ITGB4: variants seen among roughly 807,000 people sequenced by gnomAD.
The protein encoded by ITGB4 is integrin subunit beta 4, also known as integrin beta-4.
Under a neutral mutation model 207.6 loss-of-function variants are expected in ITGB4, and 159 were observed. The observed-to-expected ratio is 0.77, with a 90% CI of 0.67 to 0.87. The LOEUF is 0.87. Among genes scored for constraint, ITGB4 ranks in the 40% least tolerant of loss-of-function variants. The probability of loss-of-function intolerance (pLI) is 0.00; values close to 1 mark genes in which losing one functional copy is unlikely to be tolerated. For missense variants in ITGB4, 2,278 were observed against 2,546.8 expected, an observed-to-expected ratio of 0.89 and a Z score of 2.27; for synonymous variants, 1,020 against 1,062.7, an observed-to-expected ratio of 0.96 and a Z score of 0.78.
chr17:75,757,103 T>C lies in ITGB4; in HGVS notation c.5214T>C (p.Asp1738=), dbSNP rs2061530463. The C allele has an allele frequency of 6.2e-7, 1 of 1,612,720 alleles. No homozygotes were observed. Among genetic ancestry groups the C allele is most frequent in the Non-Finnish European group, 8.5e-7 (1 of 1,179,914 alleles). The change falls in exon 38 of 40, where the codon GAT becomes GAC. Residue 1738 remains aspartate, a synonymous_variant. Coordinates refer to ENST00000200181, the MANE Select transcript of ITGB4 (RefSeq NM_000213.5). ...REGIITIESQ[D]GGPFPQLGSR... is the part of the protein sequence containing the mutation. ...GCATCATCACCATAGAGTCCCAGGA[T>C]GGAGGTAGGCACCTGTCCTTTCCTT...
At chr17:75,730,001 G>A (rs375202931) in intron 7 of ITGB4, among the ~76,000 whole-genome samples, 64 of 152,338 alleles carry the variant, frequency 4.2e-4, no homozygotes, top group African/African-American at 1.5e-3. Context: ...AAATTAGCTG[G>A]GTGTGATGCA....
intron 34 of ITGB4, chr17:75,755,276 A>G (rs2061470267): frequency 6.5e-7 from 1 of 1,538,490 alleles, no homozygotes; most frequent in Non-Finnish European, 8.8e-7. Flanking sequence ...TCCAGCCACC[A>G]TAGCAGCCGC....
chr17:75,752,072 G>A, intron 30 of ITGB4, 102 bp from the exon 31 acceptor site: 1 of 1,287,824 alleles, frequency 7.8e-7, no homozygotes, highest in African/African-American at 1.5e-5. Flanking sequence ...CCCAGCCCCT[G>A]GGTGCCATCC....
Position 75,753,934 on chromosome 17 carries a change from C to A in ITGB4, c.4278C>A (p.Gly1426=). Residue 1426 remains glycine, a synonymous_variant, in exon 33 of 40, where the codon GGC becomes GGA. Coordinates refer to ENST00000200181, the MANE Select transcript of ITGB4 (RefSeq NM_000213.5). ...ACGACGGCGGCGCGGGCGGGAAGGG[C>A]GGCAGCCTGCCCCGCAGTGCGACAC... ...PPDDGGAGGK[G]GSLPRSATPG... 7.8e-7 allele frequency: 1 copy of A among 1,282,056 alleles called. No individual in the cohort carries two copies. Among genetic ancestry groups the A allele is most frequent in the Non-Finnish European group, 9.8e-7 (1 of 1,020,702 alleles). 79.4% of individuals were successfully genotyped at this position (1,282,056 alleles called of 1,614,324 possible). A position where few individuals can be genotyped will look rare whatever the true frequency, so the allele number is the denominator to read the frequency against.
chr17:75,736,504 C>A (rs545834373), intron 15 of ITGB4, 61 bp from the exon 16 acceptor site: 2 of 1,595,834 alleles, frequency 1.3e-6, no homozygotes, highest in Non-Finnish European at 1.7e-6. Flanking sequence ...GTTTGGGGAG[C>A]GGGGGTCTGG....
chr17:75,733,109 C>T (rs943740580), intron 12 of ITGB4, among the ~76,000 whole-genome samples: 1 of 147,648 alleles, frequency 6.8e-6, no homozygotes, highest in Non-Finnish European at 1.5e-5. Flanking sequence ...ATAAAATAGG[C>T]CAGGCGCGGT....
At chr17:75,749,181 C>T (rs2603495) in intron 27 of ITGB4, 136 bp downstream of exon 27, 2 of 753,874 alleles carry the variant, frequency 2.7e-6, no homozygotes, top group Non-Finnish European at 4.5e-6. Flanking sequence ...ACAACATACA[C>T]GTTGGTAGGA....
At chr17:75,749,689 T>G (rs116477775) in intron 27 of ITGB4, among the ~76,000 whole-genome samples, 3,208 of 152,290 alleles carry the variant, frequency 0.021, 102 homozygotes, top group African/African-American at 0.07. Context: ...CCAACTAACA[T>G]GCAGATGCTT....
At chr17:75,736,010 C>T in intron 13 of ITGB4, 41 bp from the exon 14 acceptor site, 1 of 1,586,764 alleles carries the variant, frequency 6.3e-7, no homozygotes, top group Middle Eastern at 1.7e-4. Flanking sequence ...ACTACAGGCA[C>T]AGATGTAGCT....
rs1396068957 is a variant in ITGB4, at chr17:75,756,456, A to G, written c.4736A>G (p.Asn1579Ser). 4 of 1,612,826 alleles carry G rather than the reference A, an allele frequency of 2.5e-6. No individual in the cohort carries two copies. The highest frequency in any genetic ancestry group is 1.1e-5 in the South Asian group (1 of 91,022). ...GGELHRLNIP[N>S]PAQTSVVVED... ...GAGCTGCATCGGCTCAACATCCCCA[A>G]CCCTGCCCAGACCTCGGTGGTGGTG... is the stretch of plus-strand genomic sequence containing the variant. Residue 1579 changes from asparagine (N) to serine (S), a missense_variant, in exon 36 of 40, where the codon AAC (asparagine) becomes AGC (serine). Asn to Ser is a conservative substitution (Grantham distance 46). Coordinates refer to ENST00000200181, the MANE Select transcript of ITGB4 (RefSeq NM_000213.5).
In ITGB4 at chr17:75,727,876, A is replaced by G. The variant is rs373728827; in HGVS notation, c.469+21A>G. 11 of 1,610,896 alleles carry G rather than the reference A, an allele frequency of 6.8e-6. No homozygotes were observed. The African/African-American group carries it at 1.2e-4, about 18-fold the overall frequency. On this transcript the variant is annotated intron_variant, in intron 5 of 39. Coordinates refer to ENST00000200181, the MANE Select transcript of ITGB4 (RefSeq NM_000213.5). The surrounding 1 kb of genome is among the most constrained non-coding windows in gnomAD (Gnocchi z 6.0). ...CCTGGGTACGGCAGGGCCAGAGTGG[A>G]GGACAGCAGGGCAGGAGGGGGACAG... is the stretch of plus-strand genomic sequence containing the variant.
chr17:75,730,794 C>T (rs2060839219), intron 8 of ITGB4, 81 bp from the exon 9 acceptor site: 1 of 1,328,066 alleles, frequency 7.5e-7, no homozygotes, highest in South Asian at 1.2e-5. Context: ...TCAGTTTCCC[C>T]ATCCTCAAAG....
At chr17:75,754,017 C>A (rs1303260034) in intron 33 of ITGB4, 43 bp downstream of exon 33, 2 of 926,272 alleles carry the variant, frequency 2.2e-6, no homozygotes, top group Non-Finnish European at 2.8e-6. Context: ...GCCCACCCAG[C>A]CTCACTCGCG....
In ITGB4 at chr17:75,736,340, A is replaced by G; in HGVS notation, c.1814A>G (p.Gln605Arg). 6.2e-7 allele frequency: 1 copy of G among 1,613,490 alleles called. No individual in the cohort carries two copies. Among genetic ancestry groups the G allele is most frequent in the Non-Finnish European group, 8.5e-7 (1 of 1,179,812 alleles). ...GAGTGTGGCCGCTGCCACTGCCACCAGCAGTCGCTCTACACGGACACCATC... is the reference window on the plus strand; with the variant it reads ...GAGTGTGGCCGCTGCCACTGCCACCGGCAGTCGCTCTACACGGACACCATC... ...HCECGRCHCH[Q>R]QSLYTDTICE... Residue 605 changes from glutamine (Q) to arginine (R), a missense_variant, in exon 15 of 40, where the codon CAG becomes CGG. Physicochemically the swap from Gln to Arg is conservative, Grantham distance 43. Coordinates refer to ENST00000200181, the MANE Select transcript of ITGB4 (RefSeq NM_000213.5).
rs571177970 is a variant in ITGB4 at position 75,732,535 on chromosome 17, T to C, written c.1454+296T>C. On this transcript the variant is annotated intron_variant, in intron 12 of 39. Transcript: ENST00000200181. The surrounding 1 kb of genome is among the most constrained non-coding windows in gnomAD (Gnocchi z 5.3). ...GGGACAGGCACACGAGGCTTCCTTT[T>C]TGCTCCATGCCTTTGGTATTCTGAG... 2.2e-4 allele frequency among the ~76,000 whole-genome samples: 34 copies of C among 152,306 alleles called. No individual in the cohort carries two copies. In the South Asian group the frequency reaches 5.6e-3, roughly 25 times the overall value.
Position 75,736,076 on chromosome 17 carries a change from G to A in ITGB4, c.1683G>A (p.Gln561=), listed in dbSNP as rs2060968198. 6.2e-7 allele frequency: 1 copy of A among 1,613,350 alleles called. No homozygotes were observed. Among genetic ancestry groups the A allele is most frequent in the South Asian group, 1.1e-5 (1 of 91,066 alleles). The part of the protein sequence containing the change: ...CNDRGRCSMG[Q]CVCEPGWTGP... Reference sequence around the variant, plus strand: ...ACCGAGGACGCTGCTCCATGGGCCAGTGTGTGTGTGAGCCTGGTTGGACAG... The same window carrying A: ...ACCGAGGACGCTGCTCCATGGGCCAATGTGTGTGTGAGCCTGGTTGGACAG... Residue 561 remains glutamine (Q), a synonymous_variant, in exon 14 of 40, where the codon CAG becomes CAA. Transcript: ENST00000200181.
At position 75,740,184 on chromosome 17, in the gene ITGB4, C is replaced by T. The variant is rs1450625124; in HGVS notation, c.2446+113C>T. ...GGGTGTGGGGTGCAGGCACAGGGCT[C>T]AGCCACCTTTTGCCCTGTGCTGATG... On this transcript the variant is annotated intron_variant, in intron 20 of 39. Transcript: ENST00000200181. The surrounding 1 kb of genome is among the most constrained non-coding windows in gnomAD (Gnocchi z 5.9). The T allele has an allele frequency of 7.7e-7, 1 of 1,304,410 alleles. No individual in the cohort carries two copies. Among genetic ancestry groups the T allele is most frequent in the Admixed American group, 2.1e-5 (1 of 48,046 alleles). The allele number at this position is 1,304,410 out of a possible 1,614,324, so 80.8% of individuals were successfully genotyped here.
At position 75,750,073 on chromosome 17, in the gene ITGB4, G is replaced by T. The variant is rs189746547; in HGVS notation, c.3317-38G>T. 6.1e-4 allele frequency: 984 copies of T among 1,613,088 alleles called. 19 individuals are homozygous for T. The Admixed American group carries it at 0.016, about 26-fold the overall frequency. ...CTGGCGCCCCCTGGTGGTGAAGGGG[G>T]ATCTGAGTGGTTGCCCGGCCCCAAC... On this transcript the variant is annotated intron_variant, in intron 27 of 39. Coordinates refer to ENST00000200181, the MANE Select transcript of ITGB4 (RefSeq NM_000213.5). This position sits in a 1 kb window ranked among gnomAD's most constrained non-coding sequence, Gnocchi z 5.5.
In ITGB4 at chr17:75,731,544, C is replaced by T. The variant is rs1200293853; in HGVS notation, c.1215+176C>T. On this transcript the variant is annotated intron_variant, in intron 10 of 39. Coordinates refer to ENST00000200181, the MANE Select transcript of ITGB4 (RefSeq NM_000213.5). The surrounding 1 kb of genome is among the most constrained non-coding windows in gnomAD (Gnocchi z 6.8). The stretch of plus-strand genomic sequence containing the variant: ...TTGCTCCTCTGCTTGTTGGTTTCCT[C>T]GGCATGCAAGCGTCGAGCCCGGAGG... 3.3e-5 allele frequency among the ~76,000 whole-genome samples: 5 copies of T among 152,266 alleles called. No homozygotes were observed. The highest frequency in any genetic ancestry group is 7.4e-5 in the Non-Finnish European group (5 of 68,006).
Sources: gnomAD v4.1 joint callset for allele counts (sites outside exome capture counted in the v4.1 genomes callset) on GRCh38, gnomAD v4.1.1 for gene constraint, Gnocchi (gnomAD v3.1) non-coding constraint, MANE v1.5 for transcripts, NCBI Gene and HGNC (gene_info 2026-07-23, HGNC 2026-07-21) for gene names.